SLC7A1: variants seen among roughly 807,000 people sequenced by gnomAD.
SLC7A1 encodes the protein high affinity cationic amino acid transporter 1.
A neutral mutation model predicts 53.9 loss-of-function variants in SLC7A1; 10 were observed. The observed-to-expected ratio is 0.19, with a 90% confidence interval of 0.11 to 0.31. The LOEUF (loss-of-function observed/expected upper bound fraction) is 0.31. Ranked by LOEUF, SLC7A1 falls within the 10% of genes least tolerant of loss-of-function variation. The pLI, the probability that SLC7A1 is intolerant of heterozygous loss-of-function variation, is 1.00. For missense variants in SLC7A1, 525 were observed against 827.2 expected, an observed-to-expected ratio of 0.63 and a Z score of 4.48; for synonymous variants, 342 against 338.7, an observed-to-expected ratio of 1.01 and a Z score of -0.11.
chr13:29,517,056 G>T, intron 11 of SLC7A1, 88 bp downstream of exon 11: 1 of 1,323,886 alleles, frequency 7.6e-7, no homozygotes, highest in Non-Finnish European at 1.0e-6. Context: ...GAGCACCCAG[G>T]CCCGGCTGAG....
At chr13:29,589,236 G>A (rs910365731) in intron 1 of SLC7A1, among the ~76,000 whole-genome samples, 1 of 152,250 alleles carries the variant, frequency 6.6e-6, no homozygotes, top group South Asian at 2.1e-4. Flanking sequence ...CCTTAAGAAG[G>A]ATGGAACACA....
chr13:29,584,310 T>G (rs1234098589), intron 1 of SLC7A1, among the ~76,000 whole-genome samples: 1 of 152,140 alleles, frequency 6.6e-6, no homozygotes, highest in African/African-American at 2.4e-5. Flanking sequence ...CATGCCCAGC[T>G]AATTTTTTGT....
At chr13:29,529,478 A>G (rs1407274981) in intron 5 of SLC7A1, among the ~76,000 whole-genome samples, 1 of 152,144 alleles carries the variant, frequency 6.6e-6, no homozygotes, top group African/African-American at 2.4e-5. Flanking sequence ...TCTGTCCTGA[A>G]CAGACCTGAG....
chr13:29,532,015 CAG>C (rs1869185423), intron 4 of SLC7A1, among the ~76,000 whole-genome samples: 1 of 152,152 alleles, frequency 6.6e-6, no homozygotes, highest in Non-Finnish European at 1.5e-5. Flanking sequence ...CTCACTAGTG[CAG>C]ACTTACTTTC....
chr13:29,517,887 G>A (rs534688971), intron 9 of SLC7A1, 97 bp from the exon 10 acceptor site: 17 of 872,512 alleles, frequency 1.9e-5, no homozygotes, highest in African/African-American at 3.3e-5. Flanking sequence ...TGAGCTGCCC[G>A]GGACACAAGG....
rs2139093252 is a variant in SLC7A1, at chr13:29,530,431, AAAT to A, written c.704+104_704+106del. 3.0e-5 allele frequency: 30 copies of A among 1,005,556 alleles called. No individual in the cohort carries two copies. In the South Asian group the frequency reaches 4.9e-4, roughly 17 times the overall value. The allele number at this position is 1,005,556 out of a possible 1,614,324, so 62.3% of individuals were successfully genotyped here. On this transcript the variant is annotated intron_variant, in intron 5 of 12. Coordinates refer to ENST00000380752, the MANE Select transcript of SLC7A1 (RefSeq NM_003045.5). ...ACAAAACAATTAACAAAATATCCTC[AAAT>A]AATGTTTTCTTAAAAGCACATGCCA... is the stretch of plus-strand genomic sequence containing the variant.
chr13:29,519,353 AG>A, intron 9 of SLC7A1, 93 bp downstream of exon 9: 1 of 731,990 alleles, frequency 1.4e-6, no homozygotes, highest in Non-Finnish European at 2.3e-6. Context: ...CCAACCTAAA[AG>A]TTTCATTCAT....
chr13:29,522,268 T>C (rs768859480), intron 8 of SLC7A1, 49 bp downstream of exon 8: 286 of 1,603,090 alleles, frequency 1.8e-4, no homozygotes, highest in Non-Finnish European at 2.4e-4. Context: ...TAGGGAGTAA[T>C]GACTCCATTG....
intron 8 of SLC7A1, 84 bp from the exon 9 acceptor site, chr13:29,519,633 G>T: frequency 1.3e-6 from 1 of 784,202 alleles, no homozygotes; most frequent in Non-Finnish European, 2.1e-6. Flanking sequence ...CCACCATCCA[G>T]GGCAGCGAAG....
At chr13:29,569,585 G>A (rs1001355063) in intron 1 of SLC7A1, among the ~76,000 whole-genome samples, 4 of 152,036 alleles carry the variant, frequency 2.6e-5, no homozygotes, top group South Asian at 2.1e-4. Flanking sequence ...CTTCTAAATC[G>A]AGCTCCTAAG....
chr13:29,574,512 C>A (rs1412296972), intron 1 of SLC7A1, among the ~76,000 whole-genome samples: 1 of 152,082 alleles, frequency 6.6e-6, no homozygotes, highest in African/African-American at 2.4e-5. Flanking sequence ...ACCTGTGGAA[C>A]ACATGAATAC....
chr13:29,568,841 C>A (rs73454208), intron 1 of SLC7A1, among the ~76,000 whole-genome samples: 2,590 of 152,208 alleles, frequency 0.017, 84 homozygotes, highest in African/African-American at 0.059. Context: ...TGATCAAGTC[C>A]GTCCCTTTAT....
chr13:29,515,465 T>C (rs1352786397), intron 12 of SLC7A1, among the ~76,000 whole-genome samples: 1 of 152,122 alleles, frequency 6.6e-6, no homozygotes, highest in African/African-American at 2.4e-5. Context: ...CCCTGGGAGA[T>C]GAGGCAGCAG....
At chr13:29,548,732 A>G (rs1011518362) in intron 2 of SLC7A1, among the ~76,000 whole-genome samples, 4 of 152,020 alleles carry the variant, frequency 2.6e-5, no homozygotes, top group African/African-American at 9.7e-5. Context: ...CTAATATAAC[A>G]CCTTTGCGTA....
intron 12 of SLC7A1, among the ~76,000 whole-genome samples, 165 bp downstream of exon 12, chr13:29,515,973 A>G (rs907613037): frequency 1.3e-5 from 2 of 152,274 alleles, no homozygotes; most frequent in Non-Finnish European, 2.9e-5. Context: ...ATGGAAACAA[A>G]AAGTATCTAA....
intron 1 of SLC7A1, among the ~76,000 whole-genome samples, chr13:29,568,575 C>T (rs1015594066): frequency 2.0e-5 from 3 of 152,264 alleles, no homozygotes; most frequent in African/African-American, 7.2e-5. Flanking sequence ...ACCTTGCACA[C>T]AGCAGTGCAC....
chr13:29,573,914 T>C (rs1440750002), intron 1 of SLC7A1, among the ~76,000 whole-genome samples: 1 of 152,200 alleles, frequency 6.6e-6, no homozygotes, highest in Non-Finnish European at 1.5e-5. Context: ...CCATGAACCC[T>C]GACTTCCACA....
intron 5 of SLC7A1, among the ~76,000 whole-genome samples, chr13:29,524,629 C>T (rs1020856918): frequency 5.9e-5 from 9 of 152,268 alleles, no homozygotes; most frequent in African/African-American, 1.2e-4. Flanking sequence ...GATGCAGAGC[C>T]GCCAGCCAGT....
chr13:29,538,910 A>G (rs1869544440), intron 2 of SLC7A1, among the ~76,000 whole-genome samples: 1 of 151,924 alleles, frequency 6.6e-6, no homozygotes, highest in African/African-American at 2.4e-5. Flanking sequence ...CTTGTTTCGG[A>G]TCTGGCTGGG....
Sources: gnomAD v4.1 joint callset for allele counts (sites outside exome capture counted in the v4.1 genomes callset) on GRCh38, gnomAD v4.1.1 for gene constraint, MANE v1.5 for transcripts, NCBI Gene and HGNC (gene_info 2026-07-23, HGNC 2026-07-21) for gene names.